The following CACNB2 variants were observed in gnomAD, a reference collection of about 807,000 sequenced individuals.
The protein encoded by CACNB2 is calcium voltage-gated channel auxiliary subunit beta 2, also known as voltage-dependent L-type calcium channel subunit beta-2.
A neutral mutation model predicts 73.3 loss-of-function variants in CACNB2; 42 were observed. The observed-to-expected ratio is 0.57, with a 90% CI of 0.45 to 0.74. The LOEUF (loss-of-function observed/expected upper bound fraction) is 0.74, where lower values mean the gene tolerates loss of function less well. Among genes scored for constraint, CACNB2 ranks in the 30% least tolerant of loss-of-function variants. The probability of loss-of-function intolerance (pLI) is 0.00; values close to 1 mark genes in which losing one functional copy is unlikely to be tolerated. For missense variants in CACNB2, 940 were observed against 853.0 expected, an observed-to-expected ratio of 1.10 and a Z score of -1.27; for synonymous variants, 348 against 310.3, an observed-to-expected ratio of 1.12 and a Z score of -1.28.
intron 2 of CACNB2, among the ~76,000 whole-genome samples, chr10:18,295,488 T>C (rs1045380557): frequency 6.6e-6 from 1 of 152,232 alleles, no homozygotes; most frequent in Admixed American, 6.5e-5. Context: ...TCTCAGGAAC[T>C]GAAATCAGTC....
intron 2 of CACNB2, among the ~76,000 whole-genome samples, chr10:18,254,141 T>G (rs1024907180): frequency 6.6e-6 from 1 of 152,182 alleles, no homozygotes; most frequent in Non-Finnish European, 1.5e-5. Context: ...GTTTGAGAAG[T>G]GTTGCTGTGT....
chr10:18,435,773 T>G (rs753646988), intron 3 of CACNB2, among the ~76,000 whole-genome samples: 1 of 152,090 alleles, frequency 6.6e-6, no homozygotes, highest in African/African-American at 2.4e-5. Context: ...GTGCTGGGAA[T>G]ACAAGCATGA....
At chr10:18,260,856 T>C (rs1320947169) in intron 2 of CACNB2, 5 of 1,081,114 alleles carry the variant, frequency 4.6e-6, no homozygotes, top group Non-Finnish European at 3.4e-6. Context: ...GGTCGCGAAA[T>C]GCAAGACACT....
At chr10:18,523,919 C>T (rs2052179432) in intron 9 of CACNB2, among the ~76,000 whole-genome samples, 1 of 152,180 alleles carries the variant, frequency 6.6e-6, no homozygotes, top group Non-Finnish European at 1.5e-5. Context: ...GTCAAGAATT[C>T]CTTTTTCTTT....
chr10:18,449,144 G>A (rs184708522), intron 3 of CACNB2, among the ~76,000 whole-genome samples: 1 of 152,186 alleles, frequency 6.6e-6, no homozygotes, highest in Non-Finnish European at 1.5e-5. Flanking sequence ...CAGCACTTTG[G>A]GGGGCTGAGG....
At chr10:18,307,569 A>G (rs1476133939) in intron 2 of CACNB2, among the ~76,000 whole-genome samples, 2 of 152,214 alleles carry the variant, frequency 1.3e-5, no homozygotes, top group African/African-American at 2.4e-5. Context: ...GGCAGACTAT[A>G]TTTTATCTAT....
At chr10:18,184,764 G>T (rs1757205) in intron 2 of CACNB2, among the ~76,000 whole-genome samples, 108,289 of 150,850 alleles carry the variant, frequency 0.72, 38,809 homozygotes, top group East Asian at 0.82. Flanking sequence ...TGCAGGACAT[G>T]CAGGTTTGTT....
At chr10:18,385,173 C>T (rs534856122) in intron 2 of CACNB2, among the ~76,000 whole-genome samples, 2 of 151,884 alleles carry the variant, frequency 1.3e-5, no homozygotes, top group Non-Finnish European at 2.9e-5. Context: ...ATCCCAGGTA[C>T]TCGAGAGGCT....
chr10:18,205,285 G>C (rs566762727), intron 2 of CACNB2, among the ~76,000 whole-genome samples: 1 of 152,108 alleles, frequency 6.6e-6, no homozygotes, highest in South Asian at 2.1e-4. Context: ...TTTCTCATCC[G>C]TATAATGGGG....
intron 3 of CACNB2, among the ~76,000 whole-genome samples, chr10:18,480,917 T>A (rs899391136): frequency 6.6e-6 from 1 of 152,106 alleles, no homozygotes; most frequent in Non-Finnish European, 1.5e-5. Flanking sequence ...GGATAAAATG[T>A]TTTAGATATG....
At position 18,192,476 on chromosome 10, in the gene CACNB2, G is replaced by A. The variant is rs149051722; in HGVS notation, c.213+41501G>A. Among the ~76,000 whole-genome samples, 42 of 152,232 alleles carry A rather than the reference G, an allele frequency of 2.8e-4. 1 individual carries two copies. The East Asian group carries it at 7.5e-3, about 27-fold the overall frequency. The stretch of plus-strand genomic sequence containing the variant: ...GATCCTCCTGCCTTAGCCTCACAAA[G>A]CACTGGTATTACAGGTATGAGCCAC... On this transcript the variant is annotated intron_variant, in intron 2 of 13. Coordinates refer to ENST00000324631, the MANE Select transcript of CACNB2 (RefSeq NM_201596.3).
chr10:18,329,237 T>C (rs1276201404), intron 2 of CACNB2, among the ~76,000 whole-genome samples: 1 of 152,198 alleles, frequency 6.6e-6, no homozygotes, highest in African/African-American at 2.4e-5. Context: ...ATAGCATTGA[T>C]GTGGACCCTC....
intron 2 of CACNB2, among the ~76,000 whole-genome samples, chr10:18,346,722 G>A (rs967912216): frequency 4.6e-5 from 7 of 151,860 alleles, no homozygotes; most frequent in Admixed American, 3.9e-4. Flanking sequence ...TCAGCCTCCC[G>A]AGTAGCTGGG....
At chr10:18,496,185 C>CAAAAAAAAAAAAAA (rs57139534) in intron 3 of CACNB2, among the ~76,000 whole-genome samples, 1 of 84,100 alleles carries the variant, frequency 1.2e-5, no homozygotes, top group East Asian at 3.8e-4. Flanking sequence ...GACTCAGTCT[C>CAAAAAAAAAAAAAA]AAAAAAAAAA....
In CACNB2 at chr10:18,140,790, G is replaced by A. The variant is rs1444080173; in HGVS notation, c.54G>A (p.Ala18=). 1.2e-6 allele frequency: 2 copies of A among 1,600,946 alleles called. No homozygotes were observed. Among genetic ancestry groups the A allele is most frequent in the Non-Finnish European group, 1.7e-6 (2 of 1,175,330 alleles). The change falls in exon 1 of 14, where the codon GCG becomes GCA. Residue 18 remains alanine (A), a synonymous_variant. Coordinates refer to ENST00000324631, the MANE Select transcript of CACNB2 (RefSeq NM_201596.3). ...KSPPTAAAAV[A]QEIQMELLEN... ...CTCCCACAGCGGCGGCGGCGGTGGCGCAGGAGATCCAGATGGAACTGCTAG... is the reference window on the plus strand; with the variant it reads ...CTCCCACAGCGGCGGCGGCGGTGGCACAGGAGATCCAGATGGAACTGCTAG...
chr10:18,391,664 C>T (rs557369060), intron 2 of CACNB2, among the ~76,000 whole-genome samples: 134 of 152,166 alleles, frequency 8.8e-4, no homozygotes, highest in Middle Eastern at 3.4e-3. Context: ...TGGTGGCTCA[C>T]ACCTGTAATC....
At chr10:18,422,887 G>A (rs1318752198) in intron 3 of CACNB2, among the ~76,000 whole-genome samples, 4 of 152,214 alleles carry the variant, frequency 2.6e-5, no homozygotes, top group South Asian at 2.1e-4. Flanking sequence ...TAGTAGAGAC[G>A]GGGTTTCACT....
chr10:18,249,026 C>T lies in CACNB2; in HGVS notation c.213+98051C>T, dbSNP rs1026475702. 1.3e-5 allele frequency among the ~76,000 whole-genome samples: 2 copies of T among 152,328 alleles called. 1 individual carries two copies. ...TGATTCTGTTTTCCTGGCCAGTCCA[C>T]TCACCTACTCCTGAGAGGTCTCTTT... is the stretch of plus-strand genomic sequence containing the variant. On this transcript the variant is annotated intron_variant, in intron 2 of 13. Coordinates refer to ENST00000324631, the MANE Select transcript of CACNB2 (RefSeq NM_201596.3).
intron 2 of CACNB2, among the ~76,000 whole-genome samples, chr10:18,361,323 C>G (rs1224747212): frequency 3.4e-5 from 5 of 145,426 alleles, no homozygotes; most frequent in Admixed American, 2.1e-4. Context: ...AGCCCTGTCT[C>G]TACAAAAAAT....
Sources: allele counts gnomAD v4.1 joint callset (sites outside exome capture counted in the v4.1 genomes callset), GRCh38; gene constraint gnomAD v4.1.1; transcripts MANE v1.5; gene names NCBI Gene and HGNC (gene_info 2026-07-23, HGNC 2026-07-21).